Variants in PITPNB observed in about 807,000 individuals in gnomAD.
PITPNB encodes phosphatidylinositol transfer protein beta isoform.
PITPNB carries 16 observed loss-of-function variants against 45.9 expected under a neutral mutation model. That is an observed-to-expected ratio of 0.35 (90% CI 0.24 to 0.53). The LOEUF is 0.53. PITPNB is among the 20% of genes least tolerant of loss of function. PITPNB has a pLI of 0.93. For synonymous variants in PITPNB, 112 were observed against 108.9 expected, an observed-to-expected ratio of 1.03 and a Z score of -0.18; for missense variants, 188 against 330.5, an observed-to-expected ratio of 0.57 and a Z score of 3.34.
At chr22:27,868,590 A>C (rs1465255016) in intron 8 of PITPNB, among the ~76,000 whole-genome samples, 1 of 152,228 alleles carries the variant, frequency 6.6e-6, no homozygotes, top group African/African-American at 2.4e-5. Context: ...CTGAGCAGCT[A>C]AACAGTATGA....
At chr22:27,855,728 G>A (rs1934153939) in intron 10 of PITPNB, among the ~76,000 whole-genome samples, 1 of 152,188 alleles carries the variant, frequency 6.6e-6, no homozygotes, top group Non-Finnish European at 1.5e-5. Flanking sequence ...CATAGGCAGG[G>A]GCATTCCTCG....
At chr22:27,917,329 G>A (rs1361639303) in intron 1 of PITPNB, among the ~76,000 whole-genome samples, 2 of 152,148 alleles carry the variant, frequency 1.3e-5, no homozygotes, top group African/African-American at 4.8e-5. Context: ...TTGGAGGGAG[G>A]AAATACTCCA....
intron 7 of PITPNB, among the ~76,000 whole-genome samples, chr22:27,882,808 CTT>C (rs113634563): frequency 3.3e-5 from 5 of 152,336 alleles, no homozygotes; most frequent in African/African-American, 1.2e-4. Context: ...ACAGTTGGAA[CTT>C]GTAAGTCACT....
At chr22:27,856,556 G>A (rs904975074) in intron 10 of PITPNB, among the ~76,000 whole-genome samples, 2 of 152,194 alleles carry the variant, frequency 1.3e-5, no homozygotes, top group Non-Finnish European at 2.9e-5. Flanking sequence ...GAGATAGGTA[G>A]GGTTTAGAGT....
intron 1 of PITPNB, among the ~76,000 whole-genome samples, chr22:27,918,824 G>A (rs891270600): frequency 3.3e-5 from 5 of 152,212 alleles, no homozygotes; most frequent in African/African-American, 2.4e-5. Context: ...CCTTCCCACC[G>A]GCGGGCCTGG....
chr22:27,904,838 A>C (rs1047241885), intron 3 of PITPNB, among the ~76,000 whole-genome samples: 2 of 152,230 alleles, frequency 1.3e-5, no homozygotes, highest in African/African-American at 4.8e-5. Context: ...AACCAGACAC[A>C]AACTGCCTAA....
intron 11 of PITPNB, among the ~76,000 whole-genome samples, chr22:27,853,875 T>C (rs2075940751): frequency 6.6e-6 from 1 of 152,046 alleles, no homozygotes; most frequent in Admixed American, 6.6e-5. Context: ...GAAAATAAAG[T>C]CGAGGCAGAA....
intron 7 of PITPNB, among the ~76,000 whole-genome samples, chr22:27,885,223 A>T (rs1935087450): frequency 4.4e-5 from 3 of 67,762 alleles, no homozygotes; most frequent in Non-Finnish European, 5.9e-5. Context: ...AAAAAAAAAA[A>T]AAAAAAAAAA....
chr22:27,852,702 T>C lies in PITPNB; in HGVS notation c.*1000A>G, dbSNP rs991162641. 1 of 152,558 alleles carries C rather than the reference T, an allele frequency of 6.6e-6. No homozygotes were observed. Among genetic ancestry groups the C allele is most frequent in the Non-Finnish European group, 1.5e-5 (1 of 68,046 alleles). 9.5% of individuals were successfully genotyped at this position (152,558 alleles called of 1,614,324 possible). ...GTGAGCTCTGAGGAATCTAGACCATTTGCATAGTTTCCAAGCTGTAGTTAC... is the reference window on the plus strand; with the variant it reads ...GTGAGCTCTGAGGAATCTAGACCATCTGCATAGTTTCCAAGCTGTAGTTAC... On this transcript the variant is annotated 3_prime_UTR_variant, in exon 12 of 12. Transcript: ENST00000335272.
intron 6 of PITPNB, among the ~76,000 whole-genome samples, chr22:27,896,184 A>G (rs1164133119): frequency 6.6e-6 from 1 of 152,236 alleles, no homozygotes; most frequent in African/African-American, 2.4e-5. Context: ...GGTAAAAATT[A>G]AAGCAATCAA....
At chr22:27,911,400 G>A (rs1935917335) in intron 2 of PITPNB, among the ~76,000 whole-genome samples, 1 of 152,174 alleles carries the variant, frequency 6.6e-6, no homozygotes, top group South Asian at 2.1e-4. Context: ...TCAAGAAAAT[G>A]TCTCGAAACT....
chr22:27,886,905 A>G (rs1225687074), intron 7 of PITPNB, among the ~76,000 whole-genome samples: 14 of 152,238 alleles, frequency 9.2e-5, no homozygotes, highest in Admixed American at 9.2e-4. Context: ...AGCTCACTCA[A>G]GAAAAACCAG....
intron 7 of PITPNB, among the ~76,000 whole-genome samples, chr22:27,877,715 T>C (rs1481684970): frequency 6.6e-6 from 1 of 152,196 alleles, no homozygotes; most frequent in African/African-American, 2.4e-5. Flanking sequence ...TAAATGTCCC[T>C]GAGCCCAGAT....
intron 7 of PITPNB, among the ~76,000 whole-genome samples, chr22:27,893,649 G>A (rs892360942): frequency 6.3e-4 from 93 of 147,938 alleles, no homozygotes; most frequent in Non-Finnish European, 8.7e-4. Context: ...GGGTGCAGTG[G>A]TACGATCACG....
intron 2 of PITPNB, among the ~76,000 whole-genome samples, chr22:27,912,810 G>C (rs969769791): frequency 6.6e-6 from 1 of 151,480 alleles, no homozygotes; most frequent in Non-Finnish European, 1.5e-5. Flanking sequence ...GGTGAAACCC[G>C]GTCTCTAATA....
Position 27,882,213 on chromosome 22 carries a change from A to G in PITPNB, c.457-8398T>C, listed in dbSNP as rs1018563276. On this transcript the variant is annotated intron_variant, in intron 7 of 11. Coordinates refer to ENST00000335272, the MANE Select transcript of PITPNB (RefSeq NM_012399.5). ...TCAGTTTGCCAACTTTTAGAAAATA[A>G]TATGTTTAAAAAGAGCAAAATACCT... 3.3e-4 allele frequency among the ~76,000 whole-genome samples: 50 copies of G among 152,250 alleles called. 2 individuals carry two copies. The highest frequency in any genetic ancestry group is 7.3e-5 in the Non-Finnish European group (5 of 68,040).
chr22:27,859,936 A>G (rs1048660854), intron 9 of PITPNB, among the ~76,000 whole-genome samples, 195 bp downstream of exon 9: 1 of 152,228 alleles, frequency 6.6e-6, no homozygotes, highest in African/African-American at 2.4e-5. Context: ...TCTCCAAAGA[A>G]AGTCCCTTAA....
intron 7 of PITPNB, among the ~76,000 whole-genome samples, chr22:27,888,470 C>T (rs776387985): frequency 1.3e-5 from 2 of 152,202 alleles, no homozygotes; most frequent in South Asian, 2.1e-4. Flanking sequence ...CCCTTGCCAA[C>T]CCAGGTGTTA....
chr22:27,903,129 G>A (rs747728544), intron 3 of PITPNB, among the ~76,000 whole-genome samples: 15 of 152,032 alleles, frequency 9.9e-5, no homozygotes, highest in Non-Finnish European at 1.9e-4. Flanking sequence ...ACTAGTACCC[G>A]GAATATATAA....
Sources: gnomAD v4.1 joint callset for allele counts (sites outside exome capture counted in the v4.1 genomes callset) on GRCh38, gnomAD v4.1.1 for gene constraint, MANE v1.5 for transcripts, NCBI Gene and HGNC (gene_info 2026-07-23, HGNC 2026-07-21) for gene names.